Variants in ITSN2 observed in about 807,000 individuals in gnomAD.
The protein encoded by ITSN2 is intersectin-2.
Under a neutral mutation model 243.7 loss-of-function variants are expected in ITSN2, and 156 were observed. The observed-to-expected ratio is 0.64, with a 90% CI of 0.56 to 0.73. The LOEUF (loss-of-function observed/expected upper bound fraction) is 0.73, where lower values mean the gene tolerates loss of function less well. Among genes scored for constraint, ITSN2 ranks in the 30% least tolerant of loss-of-function variants. ITSN2 has a pLI of 0.00. For missense variants in ITSN2, 1,801 were observed against 1,996.1 expected (o/e 0.90, Z 1.86); for synonymous variants, 703 against 699.9 (o/e 1.00, Z -0.07).
intron 24 of ITSN2, among the ~76,000 whole-genome samples, chr2:24,253,420 T>C (rs1014754270): frequency 7.9e-5 from 12 of 152,356 alleles, no homozygotes; most frequent in African/African-American, 2.9e-4. Flanking sequence ...AGAGCACTCA[T>C]TCCACAGTAC....
intron 37 of ITSN2, 94 bp from the exon 38 acceptor site, chr2:24,205,391 C>CCAT: frequency 9.8e-7 from 1 of 1,016,076 alleles, no homozygotes; most frequent in Non-Finnish European, 1.5e-6. Context: ...CTCCCTGTCC[C>CCAT]CATCTGCCAC....
chr2:24,334,832 G>A (rs1686172540), intron 1 of ITSN2: 2 of 850,454 alleles, frequency 2.4e-6, no homozygotes, highest in Non-Finnish European at 1.8e-6. Flanking sequence ...GGGAGGCCGA[G>A]GCGGGCGGAT....
At chr2:24,347,767 G>T (rs1343527292) in intron 1 of ITSN2, among the ~76,000 whole-genome samples, 2 of 150,734 alleles carry the variant, frequency 1.3e-5, no homozygotes, top group African/African-American at 4.9e-5. Flanking sequence ...ATACCAAAAT[G>T]TTAAACAATT....
chr2:24,316,560 C>G (rs567590156), intron 2 of ITSN2, among the ~76,000 whole-genome samples: 1 of 152,200 alleles, frequency 6.6e-6, no homozygotes, highest in Non-Finnish European at 1.5e-5. Flanking sequence ...GGATTACAGG[C>G]GTAAGCCACC....
At chr2:24,210,614 CAAAAAAA>C (rs950984341) in intron 34 of ITSN2, among the ~76,000 whole-genome samples, 159 bp downstream of exon 34, 9 of 53,984 alleles carry the variant, frequency 1.7e-4, no homozygotes, top group East Asian at 1.1e-3. Context: ...GACTCCGTCT[CAAAAAAA>C]AAAAAAAAAA....
At chr2:24,222,790 C>T (rs1391197405) in intron 29 of ITSN2, among the ~76,000 whole-genome samples, 1 of 149,840 alleles carries the variant, frequency 6.7e-6, no homozygotes, top group Non-Finnish European at 1.5e-5. Flanking sequence ...ATTCTCCTGC[C>T]TCAGCCTCCT....
At chr2:24,251,743 C>A (rs958972899) in intron 25 of ITSN2, among the ~76,000 whole-genome samples, 2 of 150,288 alleles carry the variant, frequency 1.3e-5, no homozygotes, top group Non-Finnish European at 3.0e-5. Flanking sequence ...ATTTATGTTA[C>A]CATGTAATGG....
chr2:24,248,650 C>T lies in ITSN2; in HGVS notation c.3267G>A (p.Gly1089=), dbSNP rs764979979. 6 of 1,609,134 alleles carry T rather than the reference C, an allele frequency of 3.7e-6. No homozygotes were observed. Among genetic ancestry groups the T allele is most frequent in the Non-Finnish European group, 3.4e-6 (4 of 1,176,806 alleles). ...LILILKKNTS[G]WWQGELQARG... ...TTACCTGTAACTCTCCTTGCCACCACCCACTTGTATTTTTCTTTAGAATTA... is the reference window on the plus strand; with the variant it reads ...TTACCTGTAACTCTCCTTGCCACCATCCACTTGTATTTTTCTTTAGAATTA... The change falls in exon 27 of 40, where the codon GGG becomes GGA. Residue 1089 remains glycine, a synonymous_variant. Coordinates refer to ENST00000355123, the MANE Select transcript of ITSN2 (RefSeq NM_006277.3).
Position 24,248,760 on chromosome 2 carries a change from CAAA to C in ITSN2, c.3167-13_3167-11del. 1 of 1,612,948 alleles carries C rather than the reference CAAA, an allele frequency of 6.2e-7. No individual in the cohort carries two copies. The highest frequency in any genetic ancestry group is 8.5e-7 in the Non-Finnish European group (1 of 1,179,624). On this transcript the variant is annotated splice_polypyrimidine_tract_variant and intron_variant, in intron 26 of 39. Coordinates refer to ENST00000355123, the MANE Select transcript of ITSN2 (RefSeq NM_006277.3). ...GTTACCTGAGCAATCTCTGAAAAGA[CAAA>C]GAAGAAACTATGAATTCAAGATTGC...
chr2:24,266,093 A>G (rs975134288), intron 20 of ITSN2, among the ~76,000 whole-genome samples: 1 of 152,238 alleles, frequency 6.6e-6, no homozygotes, highest in Admixed American at 6.5e-5. Flanking sequence ...AATATAAGGC[A>G]TAATCCTTCA....
At position 24,205,206 on chromosome 2, in the gene ITSN2, G is replaced by GTATT. The variant is rs780166343; in HGVS notation, c.4762+4_4762+7dup. 1 of 1,611,270 alleles carries GTATT rather than the reference G, an allele frequency of 6.2e-7. No individual in the cohort carries two copies. The highest frequency in any genetic ancestry group is 8.5e-7 in the Non-Finnish European group (1 of 1,177,514). On this transcript the variant is annotated splice_region_variant and intron_variant, in intron 38 of 39. Transcript: ENST00000355123. ...TATGTCTGCTGAATGAATCAAGGCAGTATTTACCATTTGGTTTGCAGGCTT... is the reference window on the plus strand; with the variant it reads ...TATGTCTGCTGAATGAATCAAGGCAGTATTTATTTACCATTTGGTTTGCAGGCTT...
chr2:24,291,768 A>G (rs897951019), intron 15 of ITSN2, among the ~76,000 whole-genome samples: 1 of 152,200 alleles, frequency 6.6e-6, no homozygotes, highest in Admixed American at 6.5e-5. Context: ...GATTGCAGGC[A>G]TGAGCCACTG....
In ITSN2 at chr2:24,271,846, T is replaced by C; in HGVS notation, c.2177A>G (p.Glu726Gly). The C allele has an allele frequency of 6.2e-7, 1 of 1,611,002 alleles. No individual in the cohort carries two copies. The highest frequency in any genetic ancestry group is 8.5e-7 in the Non-Finnish European group (1 of 1,179,418). ...TTTCCGTTCCTCTTCTTGAATTTTT[T>C]CTTGTGTTTTTTCTTCCTGGAGTCG... ...QKRLQEEKTQ[E>G]KIQEEERKAE... The change falls in exon 19 of 40, where the codon GAA becomes GGA. Residue 726 changes from glutamate to glycine, a missense_variant. Around this residue, in one of 5 missense-constraint regions of ITSN2, gnomAD observed 787 missense variants for 803.9 expected, o/e 0.98. Coordinates refer to ENST00000355123, the MANE Select transcript of ITSN2 (RefSeq NM_006277.3).
intron 1 of ITSN2, among the ~76,000 whole-genome samples, chr2:24,354,734 A>G (rs1391088540): frequency 6.6e-6 from 1 of 152,212 alleles, no homozygotes; most frequent in Admixed American, 6.5e-5. Flanking sequence ...AAATAAATGA[A>G]ATTTTTATTA....
At chr2:24,209,253 G>A in intron 35 of ITSN2, 32 bp from the exon 36 acceptor site, 1 of 1,611,636 alleles carries the variant, frequency 6.2e-7, no homozygotes, top group Non-Finnish European at 8.5e-7. Flanking sequence ...CACAGGCTGT[G>A]AGATGGGCTA....
At chr2:24,254,497 T>G in intron 23 of ITSN2, 66 bp from the exon 24 acceptor site, 2 of 1,296,570 alleles carry the variant, frequency 1.5e-6, no homozygotes, top group Non-Finnish European at 2.2e-6. Flanking sequence ...GAAAGGTGAT[T>G]TGATGCACAG....
At chr2:24,337,340 A>ATATATATATATATATATG (rs1686548017) in intron 1 of ITSN2, among the ~76,000 whole-genome samples, 1 of 112,360 alleles carries the variant, frequency 8.9e-6, no homozygotes. Context: ...ATATATATAT[A>ATATATATATATATATATG]TATATATATA....
At chr2:24,298,573 G>C in intron 13 of ITSN2, 92 bp downstream of exon 13, 1 of 1,218,110 alleles carries the variant, frequency 8.2e-7, no homozygotes, top group Non-Finnish European at 1.1e-6. Context: ...TAGGATAACA[G>C]GTGTGAGCCA....
At chr2:24,239,758 A>G (rs560206043) in intron 29 of ITSN2, 1 of 152,260 alleles carries the variant, frequency 6.6e-6, no homozygotes, top group African/African-American at 2.4e-5. Context: ...TGAATGAGGT[A>G]TTGCAAAAGA....
Sources: gnomAD v4.1 joint callset for allele counts (sites outside exome capture counted in the v4.1 genomes callset) on GRCh38, gnomAD v4.1.1 for gene constraint, gnomAD v4.1.1 regional missense constraint, MANE v1.5 for transcripts, NCBI Gene and HGNC (gene_info 2026-07-23, HGNC 2026-07-21) for gene names.